OGFOD3: variants seen among roughly 807,000 people sequenced by gnomAD.
OGFOD3 encodes the protein 2-oxoglutarate and iron dependent oxygenase domain containing 3.
A neutral mutation model predicts 39.8 loss-of-function variants in OGFOD3; 35 were observed. The ratio of observed to expected loss-of-function variants is 0.88; its 90% CI spans 0.67 to 1.17. The LOEUF is 1.17. OGFOD3 is among the 50% of genes most tolerant of loss of function. OGFOD3 has a pLI of 0.00. For missense variants in OGFOD3, 438 were observed against 454.5 expected (o/e 0.96, Z 0.33); for synonymous variants, 200 against 192.0 (o/e 1.04, Z -0.34).
chr17:82,394,347 G>A, intron 8 of OGFOD3: 1 of 1,557,942 alleles, frequency 6.4e-7, no homozygotes, highest in Non-Finnish European at 8.7e-7. Context: ...CCTTAAAGCA[G>A]GACTCAGCAC....
intron 7 of OGFOD3, among the ~76,000 whole-genome samples, chr17:82,399,376 G>A (rs973501774): frequency 1.2e-4 from 19 of 152,340 alleles, no homozygotes; most frequent in South Asian, 6.2e-4. Flanking sequence ...CTGCCCACAC[G>A]TGGGAACCAG....
chr17:82,396,289 A>C (rs972506993), intron 8 of OGFOD3, among the ~76,000 whole-genome samples: 6 of 106,262 alleles, frequency 5.6e-5, no homozygotes, highest in African/African-American at 1.7e-4. Flanking sequence ...ACATAGATAC[A>C]CACAATTAGA....
chr17:82,393,993 T>TA (rs1263513339), intron 8 of OGFOD3: 1 of 151,000 alleles, frequency 6.6e-6, no homozygotes, highest in East Asian at 1.9e-4. Flanking sequence ...AAAGGACTTT[T>TA]TTTTTTTTTT....
chr17:82,416,421 G>A (rs1390040879), intron 1 of OGFOD3, among the ~76,000 whole-genome samples: 1 of 151,066 alleles, frequency 6.6e-6, no homozygotes, highest in African/African-American at 2.5e-5. Flanking sequence ...CACTAAGGAC[G>A]GGGGCCACTG....
At chr17:82,394,772 C>T (rs1267815084) in intron 8 of OGFOD3, among the ~76,000 whole-genome samples, 1 of 152,180 alleles carries the variant, frequency 6.6e-6, no homozygotes, top group Non-Finnish European at 1.5e-5. Context: ...ACGTGGGCCA[C>T]AGAGCAGCAG....
rs1251621118 is a variant in OGFOD3, at chr17:82,404,359, G to A, written c.546-269C>T. 6.6e-6 allele frequency among the ~76,000 whole-genome samples: 1 copy of A among 152,242 alleles called. No individual in the cohort carries two copies. Among genetic ancestry groups the A allele is most frequent in the Admixed American group, 6.5e-5 (1 of 15,282 alleles). Reference sequence around the variant, plus strand: ...GGGCCTGCAGGACCAACGCTGGGGAGGCTGGTGTGGAGTCAGGCCCCAGAT... The same window carrying A: ...GGGCCTGCAGGACCAACGCTGGGGAAGCTGGTGTGGAGTCAGGCCCCAGAT... On this transcript the variant is annotated intron_variant, in intron 6 of 8. Coordinates refer to ENST00000313056, the MANE Select transcript of OGFOD3 (RefSeq NM_024648.3). The surrounding 1 kb of genome is among the most constrained non-coding windows in gnomAD (Gnocchi z 4.5).
chr17:82,411,181 G>A (rs1367147802), intron 3 of OGFOD3, among the ~76,000 whole-genome samples: 2 of 151,502 alleles, frequency 1.3e-5, no homozygotes, highest in East Asian at 3.9e-4. Flanking sequence ...TGAGTAGCTG[G>A]GACTACAGGC....
intron 2 of OGFOD3, among the ~76,000 whole-genome samples, chr17:82,412,645 T>G (rs1599703834): frequency 6.6e-6 from 1 of 151,226 alleles, no homozygotes; most frequent in African/African-American, 2.4e-5. Flanking sequence ...AGGGGCAGGG[T>G]GGTCGAGGCA....
chr17:82,408,400 C>T (rs916476654), intron 4 of OGFOD3, among the ~76,000 whole-genome samples: 18 of 152,278 alleles, frequency 1.2e-4, no homozygotes, highest in East Asian at 9.6e-4. Context: ...CTGAGGAAAC[C>T]GCATGGGAAT....
chr17:82,416,495 G>C (rs920681050), intron 1 of OGFOD3, among the ~76,000 whole-genome samples: 4 of 151,946 alleles, frequency 2.6e-5, no homozygotes, highest in Admixed American at 2.6e-4. Context: ...ATTCCATCAG[G>C]GCCGCACTCC....
At chr17:82,400,181 C>T (rs1036161896) in intron 7 of OGFOD3, among the ~76,000 whole-genome samples, 3 of 152,216 alleles carry the variant, frequency 2.0e-5, no homozygotes, top group East Asian at 1.9e-4. Context: ...TCAGGTGGTG[C>T]CCTGGGCGGT....
intron 7 of OGFOD3, among the ~76,000 whole-genome samples, chr17:82,399,898 G>C (rs2052735113): frequency 6.6e-6 from 1 of 152,220 alleles, no homozygotes; most frequent in Admixed American, 6.5e-5. Context: ...GGGAGGGAAA[G>C]AGACACTCTG....
intron 7 of OGFOD3, among the ~76,000 whole-genome samples, chr17:82,398,722 C>T (rs889119247): frequency 2.0e-5 from 3 of 149,278 alleles, no homozygotes; most frequent in Non-Finnish European, 4.4e-5. Context: ...AATAGGGTAT[C>T]GCTTTTTTTA....
intron 1 of OGFOD3, among the ~76,000 whole-genome samples, chr17:82,416,880 G>A (rs1300024897): frequency 1.3e-5 from 2 of 151,898 alleles, no homozygotes; most frequent in Non-Finnish European, 1.5e-5. Flanking sequence ...TCACCACGTT[G>A]GTCAGGCTGG....
chr17:82,417,054 A>G (rs2053065666), intron 1 of OGFOD3, among the ~76,000 whole-genome samples: 1 of 152,240 alleles, frequency 6.6e-6, no homozygotes, highest in South Asian at 2.1e-4. Context: ...GTACAAGTTT[A>G]CTGGAAATTT....
Position 82,406,439 on chromosome 17 carries a change from T to TTCCC in OGFOD3, c.463_466dup (p.Lys156ArgfsTer14). On this transcript the variant is annotated frameshift_variant, in exon 5 of 9. Transcript: ENST00000313056. LOFTEE classifies it high-confidence loss of function. This position sits in a 1 kb window ranked among gnomAD's most constrained non-coding sequence, Gnocchi z 5.2. Reference sequence around the variant, plus strand: ...TCACCTGTACAGGTTCACAAAGTGCTTCCCGACAGACAGGGCCCCTGAGTG... The same window carrying TTCCC: ...TCACCTGTACAGGTTCACAAAGTGCTTCCCTCCCGACAGACAGGGCCCCTGAGTG... The TTCCC allele has an allele frequency of 6.2e-7, 1 of 1,614,140 alleles. No individual in the cohort carries two copies. Among genetic ancestry groups the TTCCC allele is most frequent in the Non-Finnish European group, 8.5e-7 (1 of 1,180,026 alleles).
At position 82,392,667 on chromosome 17, in the gene OGFOD3, C is replaced by T. The variant is rs980259250; in HGVS notation, c.824-133G>A. 10 of 1,079,030 alleles carry T rather than the reference C, an allele frequency of 9.3e-6. No individual in the cohort carries two copies. Among genetic ancestry groups the T allele is most frequent in the Middle Eastern group, 2.4e-4 (1 of 4,218 alleles). The allele number at this position is 1,079,030 out of a possible 1,614,324, so 66.8% of individuals were successfully genotyped here. A position where few individuals can be genotyped will look rare whatever the true frequency, so the allele number is the denominator to read the frequency against. On this transcript the variant is annotated intron_variant, in intron 8 of 8. Coordinates refer to ENST00000313056, the MANE Select transcript of OGFOD3 (RefSeq NM_024648.3). This position sits in a 1 kb window ranked among gnomAD's most constrained non-coding sequence, Gnocchi z 4.2. ...CAACCAGGCAGGCTGGAGAAATTGC[C>T]CCTCTGGGAACTGCTTCTGCAGGAA...
In OGFOD3 at chr17:82,403,709, C is replaced by T. The variant is rs182553743; in HGVS notation, c.699+228G>A. 5.3e-5 allele frequency among the ~76,000 whole-genome samples: 8 copies of T among 152,056 alleles called. No homozygotes were observed. In the East Asian group the frequency reaches 1.2e-3, roughly 22 times the overall value. On this transcript the variant is annotated intron_variant, in intron 7 of 8. Transcript: ENST00000313056. ...CCCTGTGGTAGGTAGCCCCAGGCCA[C>T]GGGAGAACAGGCCTCACCTTGACCA...
In OGFOD3 at chr17:82,411,567, A is replaced by G. The variant is rs760418377; in HGVS notation, c.305-37T>C. On this transcript the variant is annotated intron_variant, in intron 2 of 8. Transcript: ENST00000313056. ...CAGCCAGGGTGAGACGCAGTTTCCAAGGCCACCGGCGCATGCCCTTCCAGG... is the reference window on the plus strand; with the variant it reads ...CAGCCAGGGTGAGACGCAGTTTCCAGGGCCACCGGCGCATGCCCTTCCAGG... 12 of 1,576,548 alleles carry G rather than the reference A, an allele frequency of 7.6e-6. 1 individual carries two copies. The South Asian group carries it at 1.3e-4, about 17-fold the overall frequency.
Sources: gnomAD v4.1 joint callset for allele counts (sites outside exome capture counted in the v4.1 genomes callset) on GRCh38, gnomAD v4.1.1 for gene constraint, Gnocchi (gnomAD v3.1) non-coding constraint, MANE v1.5 for transcripts, NCBI Gene and HGNC (gene_info 2026-07-23, HGNC 2026-07-21) for gene names.